The following PALM2AKAP2 variants were observed in gnomAD, a reference collection of about 807,000 sequenced individuals.
PALM2AKAP2 encodes the protein PALM2 and AKAP2 fusion, also known as PALM2-AKAP2 fusion protein.
Under a neutral mutation model 71.5 loss-of-function variants are expected in PALM2AKAP2, and 37 were observed. The ratio of observed to expected loss-of-function variants is 0.52; its 90% confidence interval spans 0.40 to 0.68. The LOEUF (loss-of-function observed/expected upper bound fraction) is 0.68, where lower values mean the gene tolerates loss of function less well. PALM2AKAP2 is among the 30% of genes least tolerant of loss of function. PALM2AKAP2 has a pLI of 0.00. For missense variants in PALM2AKAP2, 1,224 were observed against 1,191.8 expected (o/e 1.03, Z -0.40); for synonymous variants, 468 against 478.8 (o/e 0.98, Z 0.29).
intron 1 of PALM2AKAP2, among the ~76,000 whole-genome samples, chr9:109,762,083 TTGG>T (rs1215061038): frequency 3.3e-5 from 5 of 151,950 alleles, no homozygotes; most frequent in East Asian, 1.9e-4. Context: ...TTTTACACTG[TTGG>T]TGGGAGTGTA....
At chr9:109,936,584 A>G (rs1000322582) in intron 6 of PALM2AKAP2, among the ~76,000 whole-genome samples, 1 of 151,950 alleles carries the variant, frequency 6.6e-6, no homozygotes, top group Non-Finnish European at 1.5e-5. Flanking sequence ...TGCAATGCCA[A>G]CTCCTGGATG....
intron 6 of PALM2AKAP2, among the ~76,000 whole-genome samples, chr9:109,981,989 C>T (rs749482748): frequency 4.6e-5 from 7 of 152,120 alleles, no homozygotes; most frequent in Non-Finnish European, 8.8e-5. Flanking sequence ...TGAAGAGATG[C>T]CTGCACTCCC....
intron 1 of PALM2AKAP2, among the ~76,000 whole-genome samples, chr9:109,752,332 G>A (rs150259956): frequency 6.6e-6 from 1 of 152,236 alleles, no homozygotes; most frequent in Non-Finnish European, 1.5e-5. Flanking sequence ...ACTTTCACAT[G>A]CACAGGAATC....
intron 1 of PALM2AKAP2, among the ~76,000 whole-genome samples, chr9:109,686,467 T>C (rs1057115116): frequency 2.0e-5 from 3 of 152,224 alleles, no homozygotes; most frequent in Non-Finnish European, 4.4e-5. Context: ...CATCAAAGTC[T>C]TGGGTGACCA....
chr9:109,861,869 C>T (rs902046262), intron 1 of PALM2AKAP2, among the ~76,000 whole-genome samples: 1 of 152,106 alleles, frequency 6.6e-6, no homozygotes, highest in African/African-American at 2.4e-5. Context: ...CTATTGAAGT[C>T]ATGAGTACAA....
intron 1 of PALM2AKAP2, among the ~76,000 whole-genome samples, chr9:110,087,690 C>T (rs920986077): frequency 4.6e-5 from 7 of 152,332 alleles, no homozygotes; most frequent in Admixed American, 3.3e-4. Flanking sequence ...GGAAGCACCC[C>T]GGCTAGGTGA....
At position 110,112,415 on chromosome 9, in the gene PALM2AKAP2, G is replaced by A. The variant is rs967621001; in HGVS notation, c.157-23712G>A. The stretch of plus-strand genomic sequence containing the variant: ...TTCAATGTGTTCATCCACAAAATAC[G>A]GATTAGCCCTATTTCACAGAGTTGC... On this transcript the variant is annotated intron_variant, in intron 1 of 3. Transcript: ENST00000374525. Among the ~76,000 whole-genome samples the A allele has an allele frequency of 7.1e-4, 108 of 152,100 alleles. 6 individuals are homozygous for A. The highest frequency in any genetic ancestry group is 7.4e-5 in the Non-Finnish European group (5 of 68,024).
At chr9:109,883,951 G>A (rs1829909904) in intron 3 of PALM2AKAP2, among the ~76,000 whole-genome samples, 1 of 152,174 alleles carries the variant, frequency 6.6e-6, no homozygotes. Flanking sequence ...GGCTCAGACT[G>A]CCCACAAGCC....
At chr9:109,938,951 C>T (rs1035791204) in intron 6 of PALM2AKAP2, among the ~76,000 whole-genome samples, 5 of 152,100 alleles carry the variant, frequency 3.3e-5, no homozygotes, top group African/African-American at 4.8e-5. Context: ...ATCGCTTGAA[C>T]CCGGGAGGCA....
intron 1 of PALM2AKAP2, among the ~76,000 whole-genome samples, chr9:109,649,114 A>G (rs1279725602): frequency 1.1e-4 from 16 of 151,732 alleles, no homozygotes; most frequent in South Asian, 4.2e-4. Context: ...AAAGTTTGGT[A>G]ACTTCTCTTT....
At chr9:109,769,204 C>A (rs184261167) in intron 1 of PALM2AKAP2, among the ~76,000 whole-genome samples, 4 of 152,144 alleles carry the variant, frequency 2.6e-5, no homozygotes, top group African/African-American at 9.6e-5. Flanking sequence ...AAAAGTGTAC[C>A]TATGCACATT....
At chr9:109,648,793 A>G (rs1416456663) in intron 1 of PALM2AKAP2, among the ~76,000 whole-genome samples, 1 of 152,182 alleles carries the variant, frequency 6.6e-6, no homozygotes, top group Non-Finnish European at 1.5e-5. Context: ...TGAGCATCTT[A>G]TAGGTTGATT....
intron 1 of PALM2AKAP2, among the ~76,000 whole-genome samples, chr9:110,135,306 A>AG (rs1194871642): frequency 7.4e-6 from 1 of 135,460 alleles, no homozygotes; most frequent in African/African-American, 2.8e-5. Flanking sequence ...TCTCAAAAAA[A>AG]AAAAAAAAAA....
At chr9:109,973,696 A>G (rs1047806721) in intron 6 of PALM2AKAP2, among the ~76,000 whole-genome samples, 2 of 152,226 alleles carry the variant, frequency 1.3e-5, no homozygotes, top group African/African-American at 4.8e-5. Context: ...GCTGTCATGA[A>G]TGCTATCTAG....
chr9:109,834,847 G>C (rs1176318165), intron 1 of PALM2AKAP2, among the ~76,000 whole-genome samples: 1 of 152,184 alleles, frequency 6.6e-6, no homozygotes, highest in East Asian at 1.9e-4. Flanking sequence ...CAAGTCTAGA[G>C]CCTGGACTTG....
At chr9:109,642,844 C>CTT (rs11446176) in intron 1 of PALM2AKAP2, among the ~76,000 whole-genome samples, 64 of 139,510 alleles carry the variant, frequency 4.6e-4, no homozygotes, top group East Asian at 2.1e-3. Flanking sequence ...CATGCCCAGT[C>CTT]TTTTTTTTTT....
At chr9:109,868,509 C>T (rs570960798) in intron 2 of PALM2AKAP2, among the ~76,000 whole-genome samples, 8 of 152,194 alleles carry the variant, frequency 5.3e-5, no homozygotes, top group African/African-American at 1.2e-4. Context: ...TGCTGACTTT[C>T]GGGGTGATGC....
chr9:110,156,197 A>G, intron 2 of PALM2AKAP2, 122 bp from the exon 9 acceptor site: 1 of 1,356,552 alleles, frequency 7.4e-7, no homozygotes, highest in Non-Finnish European at 9.8e-7. Context: ...CCTACACTTA[A>G]CCATCATTCT....
intron 1 of PALM2AKAP2, among the ~76,000 whole-genome samples, chr9:109,684,741 T>C (rs1319277678): frequency 6.6e-6 from 1 of 152,342 alleles, no homozygotes; most frequent in East Asian, 1.9e-4. Flanking sequence ...TTTTGTCAAA[T>C]TGCTGAAAAG....
Sources: allele counts gnomAD v4.1 joint callset (sites outside exome capture counted in the v4.1 genomes callset), GRCh38; gene constraint gnomAD v4.1.1; transcripts MANE v1.5; gene names NCBI Gene and HGNC (gene_info 2026-07-23, HGNC 2026-07-21).